R3HDM2: variants seen among roughly 807,000 people sequenced by gnomAD.
R3HDM2 encodes R3H domain-containing protein 2.
A neutral mutation model predicts 124.5 loss-of-function variants in R3HDM2; 38 were observed. The observed-to-expected ratio is 0.31, with a 90% confidence interval of 0.24 to 0.40. R3HDM2 has a LOEUF of 0.40. Among genes scored for constraint, R3HDM2 ranks in the 10% least tolerant of loss-of-function variants. The pLI, the probability that R3HDM2 is intolerant of heterozygous loss-of-function variation, is 1.00. For synonymous variants in R3HDM2, 391 were observed against 448.0 expected (o/e 0.87, Z 1.61); for missense variants, 869 against 1,236.9 (o/e 0.70, Z 4.46).
At chr12:57,329,886 C>T (rs1477535215) in intron 2 of R3HDM2, among the ~76,000 whole-genome samples, 9 of 152,178 alleles carry the variant, frequency 5.9e-5, no homozygotes, top group Admixed American at 5.2e-4. Context: ...AAGTCTCTCA[C>T]GTCCTTGGTT....
At chr12:57,330,490 C>T (rs1440548542) in intron 2 of R3HDM2, among the ~76,000 whole-genome samples, 13 of 150,998 alleles carry the variant, frequency 8.6e-5, no homozygotes, top group Admixed American at 5.3e-4. Context: ...ATTACAGGCA[C>T]GCACCACCAC....
At chr12:57,417,943 CT>C (rs1184685046) in intron 1 of R3HDM2, among the ~76,000 whole-genome samples, 1 of 152,166 alleles carries the variant, frequency 6.6e-6, no homozygotes, top group African/African-American at 2.4e-5. Flanking sequence ...GATGTCAACT[CT>C]CCTATCACTT....
intron 2 of R3HDM2, among the ~76,000 whole-genome samples, chr12:57,383,858 A>G (rs2065274655): frequency 6.6e-6 from 1 of 152,192 alleles, no homozygotes; most frequent in South Asian, 2.1e-4. Flanking sequence ...GGGAGTAAAT[A>G]TTAGATACAA....
intron 6 of R3HDM2, among the ~76,000 whole-genome samples, chr12:57,298,894 C>T (rs1469583616): frequency 1.3e-5 from 2 of 151,880 alleles, no homozygotes; most frequent in East Asian, 1.9e-4. Context: ...ACTCGGGAGG[C>T]GAAGGTTGCA....
rs908553918 is a variant in R3HDM2 at position 57,386,551 on chromosome 12, C to G, written c.-36+9198G>C. 7.9e-5 allele frequency among the ~76,000 whole-genome samples: 12 copies of G among 152,266 alleles called. No individual in the cohort carries two copies. In the East Asian group the frequency reaches 1.2e-3, roughly 15 times the overall value. ...CAGCCCGCCATGCCTGAGCCTCCCC[C>G]CGCTTCTGTGGGCTCCTGCGCAGCC... On this transcript the variant is annotated intron_variant, in intron 2 of 23. Transcript: ENST00000402412.
chr12:57,393,898 C>A (rs893364395), intron 2 of R3HDM2, among the ~76,000 whole-genome samples: 1 of 152,196 alleles, frequency 6.6e-6, no homozygotes, highest in African/African-American at 2.4e-5. Context: ...GTAAACCAAA[C>A]ATTCCCAAAA....
intron 2 of R3HDM2, among the ~76,000 whole-genome samples, chr12:57,329,956 C>T (rs1297624902): frequency 6.6e-6 from 1 of 152,052 alleles, no homozygotes; most frequent in African/African-American, 2.4e-5. Context: ...TTCATAATTT[C>T]CTTCTCAGAT....
chr12:57,310,189 AACAG>A, intron 3 of R3HDM2, 71 bp downstream of exon 3: 1 of 1,126,240 alleles, frequency 8.9e-7, no homozygotes, highest in Non-Finnish European at 1.2e-6. Flanking sequence ...CAGGTTGGGT[AACAG>A]ACAGAGCTGG....
intron 2 of R3HDM2, among the ~76,000 whole-genome samples, chr12:57,388,386 T>C (rs1421188780): frequency 1.3e-5 from 2 of 152,214 alleles, no homozygotes; most frequent in African/African-American, 2.4e-5. Context: ...AAGAAAGGCA[T>C]ATTTATTTAT....
At chr12:57,255,155 G>C (rs1334607593) in intron 23 of R3HDM2, 42 bp from the exon 24 acceptor site, 3 of 1,488,196 alleles carry the variant, frequency 2.0e-6, no homozygotes, top group African/African-American at 1.4e-5. Flanking sequence ...AGAGGAATAG[G>C]ACAGGAAGGA....
At chr12:57,352,609 C>G (rs549308379) in intron 2 of R3HDM2, among the ~76,000 whole-genome samples, 18 of 151,614 alleles carry the variant, frequency 1.2e-4, no homozygotes, top group African/African-American at 4.1e-4. Context: ...TCTCCTGTCT[C>G]AGCCTCGTGA....
intron 2 of R3HDM2, among the ~76,000 whole-genome samples, chr12:57,381,808 T>G (rs936323017): frequency 5.4e-5 from 8 of 149,138 alleles, no homozygotes; most frequent in South Asian, 4.2e-4. Flanking sequence ...GGGATAGAGA[T>G]AGAGAGAGAG....
chr12:57,313,431 G>A lies in R3HDM2; in HGVS notation c.-35-2968C>T, dbSNP rs189197147. On this transcript the variant is annotated intron_variant, in intron 2 of 23. Transcript: ENST00000402412. The stretch of plus-strand genomic sequence containing the variant: ...TTTAAAAAATTAGCCAGACATGGTG[G>A]TGCACACTTGTAGTCTCAGCTACTC... 3.3e-5 allele frequency among the ~76,000 whole-genome samples: 5 copies of A among 152,004 alleles called. No homozygotes were observed. The East Asian group carries it at 7.7e-4, about 23-fold the overall frequency.
At chr12:57,329,761 G>GAAAAAGA (rs1224518483) in intron 2 of R3HDM2, among the ~76,000 whole-genome samples, 1 of 150,502 alleles carries the variant, frequency 6.6e-6, no homozygotes. Flanking sequence ...AAAAGAAAAA[G>GAAAAAGA]AAAAAAAAAG....
chr12:57,413,844 CCCCT>C (rs1459615108), intron 1 of R3HDM2, among the ~76,000 whole-genome samples: 35 of 104,756 alleles, frequency 3.3e-4, no homozygotes, highest in Non-Finnish European at 1.7e-4. Flanking sequence ...TGTAATCCCC[CCCCT>C]TTTTTTTTTT....
At chr12:57,372,302 T>C (rs1478461190) in intron 2 of R3HDM2, among the ~76,000 whole-genome samples, 1 of 151,832 alleles carries the variant, frequency 6.6e-6, no homozygotes, top group African/African-American at 2.4e-5. Context: ...AACATAGTGC[T>C]CCATTCAGCT....
At chr12:57,289,147 T>C (rs1592793596) in intron 11 of R3HDM2, 107 bp from the exon 12 acceptor site, 2 of 1,095,336 alleles carry the variant, frequency 1.8e-6, no homozygotes, top group Non-Finnish European at 1.4e-6. Context: ...AAACCAAAGC[T>C]CACCCCACCA....
At chr12:57,410,669 A>C (rs558996624) in intron 1 of R3HDM2, among the ~76,000 whole-genome samples, 1 of 152,176 alleles carries the variant, frequency 6.6e-6, no homozygotes, top group Admixed American at 6.6e-5. Context: ...CCTGGGCTAC[A>C]TGGCAAGACC....
At chr12:57,317,194 T>G (rs1456018128) in intron 2 of R3HDM2, among the ~76,000 whole-genome samples, 1 of 151,070 alleles carries the variant, frequency 6.6e-6, no homozygotes, top group Middle Eastern at 3.2e-3. Flanking sequence ...TTGTGTTTTT[T>G]TTTGTTTGTT....
Sources: allele counts gnomAD v4.1 joint callset (sites outside exome capture counted in the v4.1 genomes callset), GRCh38; gene constraint gnomAD v4.1.1; transcripts MANE v1.5; gene names NCBI Gene and HGNC (gene_info 2026-07-23, HGNC 2026-07-21).